Variants in UBN2 observed in about 807,000 individuals in gnomAD.
UBN2 encodes the protein ubinuclein 2.
UBN2 carries 35 observed loss-of-function variants against 120.2 expected under a neutral mutation model. That is an observed-to-expected ratio of 0.29 (90% CI 0.22 to 0.39). The LOEUF (loss-of-function observed/expected upper bound fraction) is 0.39, where lower values mean the gene tolerates loss of function less well. Ranked by LOEUF, UBN2 falls within the 10% of genes least tolerant of loss-of-function variation. The pLI is 1.00. For synonymous variants in UBN2, 661 were observed against 648.7 expected (o/e 1.02, Z -0.29); for missense variants, 1,693 against 1,663.2 (o/e 1.02, Z -0.31).
At chr7:139,261,129 G>T in intron 5 of UBN2, 123 bp from the exon 6 acceptor site, 1 of 1,179,750 alleles carries the variant, frequency 8.5e-7, no homozygotes, top group East Asian at 2.5e-5. Context: ...AAGTTAATAA[G>T]AAATTAAGAA....
intron 15 of UBN2, among the ~76,000 whole-genome samples, chr7:139,288,023 C>G (rs189578467): frequency 6.6e-6 from 1 of 152,316 alleles, no homozygotes; most frequent in East Asian, 1.9e-4. Flanking sequence ...ACTTTCCACA[C>G]AGGGGTTTCC....
At chr7:139,237,739 C>A (rs893556599) in intron 2 of UBN2, among the ~76,000 whole-genome samples, 1 of 152,080 alleles carries the variant, frequency 6.6e-6, no homozygotes, top group Non-Finnish European at 1.5e-5. Context: ...GGCTACAGGT[C>A]CAGGTCTGTG....
Position 139,307,195 on chromosome 7 carries a change from GGT to G in UBN2, c.*9360_*9361del, listed in dbSNP as rs370594479. 6.6e-6 allele frequency: 1 copy of G among 152,288 alleles called. No homozygotes were observed. Among genetic ancestry groups the G allele is most frequent in the East Asian group, 1.9e-4 (1 of 5,182 alleles). 9.4% of individuals were successfully genotyped at this position (152,288 alleles called of 1,614,324 possible). ...TCTTGAAGGAGCCTAAAGAGTTGAT[GGT>G]CCTCTAGGTGAAAGACAAGAATTAC... is the stretch of plus-strand genomic sequence containing the variant. On this transcript the variant is annotated 3_prime_UTR_variant, in exon 18 of 18. Coordinates refer to ENST00000473989, the MANE Select transcript of UBN2 (RefSeq NM_173569.4).
Position 139,274,086 on chromosome 7 carries a change from G to A in UBN2, c.1973+12G>A. 1 of 1,574,826 alleles carries A rather than the reference G, an allele frequency of 6.3e-7. No individual in the cohort carries two copies. The highest frequency in any genetic ancestry group is 8.6e-7 in the Non-Finnish European group (1 of 1,168,498). ...TGGATGCAGGCAAGGTAAGAAATGT[G>A]ACTTACTGGATTTTATTTTATTTTA... On this transcript the variant is annotated intron_variant, in intron 11 of 17. Transcript: ENST00000473989.
In UBN2 at chr7:139,273,397, G is replaced by A; in HGVS notation, c.1816G>A (p.Asp606Asn). 1.9e-6 allele frequency: 3 copies of A among 1,593,004 alleles called. No homozygotes were observed. Among genetic ancestry groups the A allele is most frequent in the East Asian group, 2.2e-5 (1 of 44,642 alleles). The change falls in exon 10 of 18, where the codon GAT (aspartate) becomes AAT (asparagine). Residue 606 changes from aspartate to asparagine, a missense_variant. Asp to Asn is a conservative substitution (Grantham distance 23, BLOSUM62 1). Coordinates refer to ENST00000473989, the MANE Select transcript of UBN2 (RefSeq NM_173569.4). ...VIGPRKKFHW[D>N]DTIRTLLCNL... ...AGGACCAAGAAAGAAATTCCACTGG[G>A]ATGACACTATCAGGTAAGATTTAAT... is the stretch of plus-strand genomic sequence containing the variant.
intron 15 of UBN2, among the ~76,000 whole-genome samples, chr7:139,290,238 C>CT (rs2131056897): frequency 6.6e-6 from 1 of 152,206 alleles, no homozygotes; most frequent in South Asian, 2.1e-4. Context: ...CTTGCCAACT[C>CT]TGGTTAATTT....
chr7:139,239,598 C>T (rs1022745067), intron 2 of UBN2, among the ~76,000 whole-genome samples: 2 of 125,920 alleles, frequency 1.6e-5, no homozygotes, highest in African/African-American at 3.2e-5. Context: ...ACTCTTGTTG[C>T]CCAGGCTGGA....
rs1280698171 is a variant in UBN2, at chr7:139,269,541, AAT to A, written c.1596+21_1596+22del. 1.9e-6 allele frequency: 3 copies of A among 1,612,508 alleles called. No homozygotes were observed. The highest frequency in any genetic ancestry group is 1.7e-6 in the Non-Finnish European group (2 of 1,179,470). ...ATGTCCAGGTAAGAGGAAGAACAAT[AAT>A]ATCTACATCTTGGGTTTCATAACCT... On this transcript the variant is annotated intron_variant, in intron 8 of 17. Transcript: ENST00000473989.
chr7:139,244,487 C>T (rs1029410858), intron 2 of UBN2, among the ~76,000 whole-genome samples: 10 of 152,012 alleles, frequency 6.6e-5, no homozygotes, highest in African/African-American at 2.4e-4. Flanking sequence ...GCCTGGGCAA[C>T]ATAGCAAGAC....
Position 139,305,928 on chromosome 7 carries a change from C to T in UBN2, c.*8092C>T, listed in dbSNP as rs1337212219. ...ATTTTCATACTCCCCCTGAAATAAGCCTACTTTTGCAAACAGGCCATATGA... is the reference window on the plus strand; with the variant it reads ...ATTTTCATACTCCCCCTGAAATAAGTCTACTTTTGCAAACAGGCCATATGA... On this transcript the variant is annotated 3_prime_UTR_variant, in exon 18 of 18. Coordinates refer to ENST00000473989, the MANE Select transcript of UBN2 (RefSeq NM_173569.4). 6.6e-6 allele frequency: 1 copy of T among 152,090 alleles called. No individual in the cohort carries two copies. Among genetic ancestry groups the T allele is most frequent in the Non-Finnish European group, 1.5e-5 (1 of 68,014 alleles). 9.4% of individuals were successfully genotyped at this position (152,090 alleles called of 1,614,324 possible).
At chr7:139,275,294 A>G (rs1797409048) in intron 11 of UBN2, among the ~76,000 whole-genome samples, 1 of 150,492 alleles carries the variant, frequency 6.6e-6, no homozygotes, top group Admixed American at 6.6e-5. Flanking sequence ...AAAAAAAAAA[A>G]AAAAAGTCGC....
intron 3 of UBN2, among the ~76,000 whole-genome samples, chr7:139,257,116 A>G (rs1796784718): frequency 1.3e-5 from 2 of 152,218 alleles, no homozygotes; most frequent in African/African-American, 4.8e-5. Flanking sequence ...CAATCAGATA[A>G]GTTCCTTTTT....
At chr7:139,282,915 A>G in intron 14 of UBN2, 109 bp from the exon 15 acceptor site, 1 of 1,031,414 alleles carries the variant, frequency 9.7e-7, no homozygotes, top group Non-Finnish European at 1.4e-6. Context: ...GAAGATTTCC[A>G]GTAGAAAAAC....
intron 15 of UBN2, among the ~76,000 whole-genome samples, chr7:139,290,187 G>A (rs752288738): frequency 3.3e-5 from 5 of 152,112 alleles, no homozygotes; most frequent in Non-Finnish European, 5.9e-5. Flanking sequence ...GCCCACCTTG[G>A]CCTCCCAAAG....
chr7:139,296,641 C>G (rs1798116903), intron 17 of UBN2, among the ~76,000 whole-genome samples: 1 of 152,142 alleles, frequency 6.6e-6, no homozygotes, highest in Non-Finnish European at 1.5e-5. Context: ...TTCCTCTCCT[C>G]CTGTCCAGTT....
chr7:139,288,872 C>T (rs1797863295), intron 15 of UBN2, among the ~76,000 whole-genome samples: 2 of 151,620 alleles, frequency 1.3e-5, no homozygotes, highest in African/African-American at 4.8e-5. Flanking sequence ...TATGGTGGCA[C>T]GTGCCTGTAA....
At chr7:139,291,360 CAA>C (rs774759708) in intron 15 of UBN2, among the ~76,000 whole-genome samples, 5 of 43,394 alleles carry the variant, frequency 1.2e-4, no homozygotes, top group East Asian at 9.9e-4. Flanking sequence ...GACTCTGTCT[CAA>C]AAAAAAAAAA....
the UBN2 span, among the ~76,000 whole-genome samples, chr7:139,314,756 A>C: frequency 1.3e-5 from 2 of 151,956 alleles, no homozygotes; most frequent in African/African-American, 4.8e-5. Context: ...AAGTGCTGGG[A>C]TTACAGGCGT....
chr7:139,271,548 T>A (rs1797274209), intron 8 of UBN2, among the ~76,000 whole-genome samples: 1 of 150,580 alleles, frequency 6.6e-6, no homozygotes, highest in South Asian at 2.1e-4. Flanking sequence ...ATGGTGCCAC[T>A]GCACTCCAGC....
Sources: gnomAD v4.1 joint callset for allele counts (sites outside exome capture counted in the v4.1 genomes callset) on GRCh38, gnomAD v4.1.1 for gene constraint, MANE v1.5 for transcripts, NCBI Gene and HGNC (gene_info 2026-07-23, HGNC 2026-07-21) for gene names.